The following CCDC170 variants were observed in gnomAD, a reference collection of about 807,000 sequenced individuals.
CCDC170 encodes the protein coiled-coil domain-containing protein 170.
A neutral mutation model predicts 72.6 loss-of-function variants in CCDC170; 69 were observed. The ratio of observed to expected loss-of-function variants is 0.95; its 90% confidence interval spans 0.78 to 1.16. The LOEUF (loss-of-function observed/expected upper bound fraction) is 1.16. CCDC170 is among the 50% of genes most tolerant of loss of function. The pLI, the probability that CCDC170 is intolerant of heterozygous loss-of-function variation, is 0.00. For missense variants in CCDC170, 852 were observed against 832.5 expected (o/e 1.02, Z -0.29); for synonymous variants, 300 against 303.9 (o/e 0.99, Z 0.13).
chr6:151,545,310 T>C (rs1371658428), intron 4 of CCDC170, among the ~76,000 whole-genome samples: 1 of 151,888 alleles, frequency 6.6e-6, no homozygotes, highest in African/African-American at 2.4e-5. Flanking sequence ...TCCCAGCTAA[T>C]TGGAAGGCTG....
chr6:151,576,561 G>A (rs1487172382), intron 6 of CCDC170, among the ~76,000 whole-genome samples: 2 of 151,922 alleles, frequency 1.3e-5, no homozygotes, highest in Non-Finnish European at 2.9e-5. Context: ...GGTTAAGCTG[G>A]GTATGCTTTC....
In CCDC170 at chr6:151,620,203, A is replaced by AG. The variant is rs1409193511; in HGVS notation, c.*2056_*2057insG. 8.6e-5 allele frequency: 13 copies of AG among 150,838 alleles called. No homozygotes were observed. The highest frequency in any genetic ancestry group is 1.6e-4 in the Non-Finnish European group (11 of 67,646). The allele number at this position is 150,838 out of a possible 1,614,324, so 9.3% of individuals were successfully genotyped here. A position where few individuals can be genotyped will look rare whatever the true frequency, so the allele number is the denominator to read the frequency against. On this transcript the variant is annotated 3_prime_UTR_variant, in exon 11 of 11. Transcript: ENST00000239374. ...ATGGATGATTCCAAAAAAAAAAAAA[A>AG]AAAGAAGAAAGAGAGAAAGAAAGAA...
At chr6:151,558,763 T>C (rs1169666342) in intron 5 of CCDC170, among the ~76,000 whole-genome samples, 1 of 152,176 alleles carries the variant, frequency 6.6e-6, no homozygotes, top group Non-Finnish European at 1.5e-5. Flanking sequence ...TGTGTCTATT[T>C]CATACCAATA....
At position 151,521,746 on chromosome 6, in the gene CCDC170, G is replaced by A. The variant is rs148677210; in HGVS notation, c.58-14572G>A. ...CGCCAGTAATCCCAGCACTTTGGGAGGCCAAGGAGGGTGGATCACGAGGTC... is the reference window on the plus strand; with the variant it reads ...CGCCAGTAATCCCAGCACTTTGGGAAGCCAAGGAGGGTGGATCACGAGGTC... On this transcript the variant is annotated intron_variant, in intron 1 of 10. Coordinates refer to ENST00000239374, the MANE Select transcript of CCDC170 (RefSeq NM_025059.4). 8.6e-3 allele frequency among the ~76,000 whole-genome samples: 1,308 copies of A among 152,250 alleles called. 23 individuals are homozygous for A. Among genetic ancestry groups the A allele is most frequent in the African/African-American group, 0.03 (1,231 of 41,562 alleles).
In CCDC170 at chr6:151,585,890, T is replaced by C; in HGVS notation, c.1094T>C (p.Met365Thr). 3 of 1,613,148 alleles carry C rather than the reference T, an allele frequency of 1.9e-6. No homozygotes were observed. The highest frequency in any genetic ancestry group is 2.5e-6 in the Non-Finnish European group (3 of 1,179,536). The change falls in exon 7 of 11, where the codon ATG becomes ACG. Residue 365 changes from methionine to threonine, a missense_variant and splice_region_variant. Physicochemically the swap from Met to Thr is moderately conservative, Grantham distance 81. Coordinates refer to ENST00000239374, the MANE Select transcript of CCDC170 (RefSeq NM_025059.4). Reference sequence around the variant, plus strand: ...CTTGATCTGTTTCTTTGTTTCCAGATGGTCTCCCAGCTTGAAGCCCAAATA... The same window carrying C: ...CTTGATCTGTTTCTTTGTTTCCAGACGGTCTCCCAGCTTGAAGCCCAAATA... Reference protein sequence around the residue: ...MDSREESRDRMVSQLEAQISE... With the variant: ...MDSREESRDRTVSQLEAQISE...
chr6:151,531,460 C>G (rs2115041343), intron 1 of CCDC170, among the ~76,000 whole-genome samples: 1 of 152,104 alleles, frequency 6.6e-6, no homozygotes, highest in South Asian at 2.1e-4. Context: ...AAAAATTAGC[C>G]AGGTGTGGTG....
intron 1 of CCDC170, among the ~76,000 whole-genome samples, chr6:151,509,771 T>TA (rs1782121785): frequency 6.6e-6 from 1 of 152,202 alleles, no homozygotes; most frequent in Non-Finnish European, 1.5e-5. Context: ...CAGAAAATCA[T>TA]TCAATTTAGG....
intron 5 of CCDC170, among the ~76,000 whole-genome samples, chr6:151,563,077 C>T (rs1385262661): frequency 6.6e-6 from 1 of 152,148 alleles, no homozygotes; most frequent in East Asian, 1.9e-4. Flanking sequence ...TTCCCCCAGA[C>T]CAGAGCAGGT....
chr6:151,563,655 G>A (rs562035160), intron 5 of CCDC170, among the ~76,000 whole-genome samples: 118 of 152,288 alleles, frequency 7.7e-4, no homozygotes, highest in Middle Eastern at 3.4e-3. Flanking sequence ...TGAGGGGAGT[G>A]TGGGCACGTC....
At chr6:151,592,224 G>A (rs1006677331) in intron 7 of CCDC170, among the ~76,000 whole-genome samples, 4 of 152,242 alleles carry the variant, frequency 2.6e-5, no homozygotes, top group African/African-American at 9.6e-5. Context: ...GCCAGGCATG[G>A]TGGCACGTGC....
chr6:151,552,047 T>G (rs1417888514), intron 5 of CCDC170, among the ~76,000 whole-genome samples: 1 of 148,374 alleles, frequency 6.7e-6, no homozygotes, highest in Non-Finnish European at 1.5e-5. Flanking sequence ...TTTTTTTGGT[T>G]GTTGTTGTTT....
intron 6 of CCDC170, among the ~76,000 whole-genome samples, chr6:151,585,678 T>C (rs1004492648): frequency 3.3e-5 from 5 of 152,192 alleles, no homozygotes; most frequent in Non-Finnish European, 5.9e-5. Flanking sequence ...AAATTAAAAA[T>C]ACCAATCGAA....
chr6:151,495,787 T>C (rs80354309), intron 1 of CCDC170, among the ~76,000 whole-genome samples: 1,998 of 152,294 alleles, frequency 0.013, 36 homozygotes, highest in African/African-American at 0.046. Flanking sequence ...TGCACTACCA[T>C]GCCTGGTCCC....
rs193030615 is a variant in CCDC170 at position 151,499,625 on chromosome 6, C to T, written c.57+5440C>T. ...AGACCGTATTTGACTATTTTAGGCA[C>T]GCTGCATAAGTGGAATCATGCTGTA... On this transcript the variant is annotated intron_variant, in intron 1 of 10. Transcript: ENST00000239374. 2.1e-4 allele frequency among the ~76,000 whole-genome samples: 31 copies of T among 145,278 alleles called. 8 individuals carry two copies. The highest frequency in any genetic ancestry group is 1.6e-3 in the East Asian group (8 of 5,152).
chr6:151,516,670 G>A (rs1052803369), intron 1 of CCDC170, among the ~76,000 whole-genome samples: 14 of 152,254 alleles, frequency 9.2e-5, no homozygotes, highest in Admixed American at 2.6e-4. Flanking sequence ...AAAGAGAGAG[G>A]AGTTCCTGAA....
chr6:151,507,748 C>G (rs1782085705), intron 1 of CCDC170, among the ~76,000 whole-genome samples: 1 of 152,010 alleles, frequency 6.6e-6, no homozygotes, highest in Non-Finnish European at 1.5e-5. Context: ...TGGTGAAACC[C>G]TGTATCTACT....
At chr6:151,528,069 G>A (rs1346527910) in intron 1 of CCDC170, among the ~76,000 whole-genome samples, 1 of 152,110 alleles carries the variant, frequency 6.6e-6, no homozygotes, top group African/African-American at 2.4e-5. Flanking sequence ...AAAAGACTGT[G>A]AGCCACCCCG....
At chr6:151,581,395 C>T (rs1776377408) in intron 6 of CCDC170, among the ~76,000 whole-genome samples, 1 of 152,160 alleles carries the variant, frequency 6.6e-6, no homozygotes, top group Admixed American at 6.5e-5. Context: ...TTTGCTCATC[C>T]ATGAGAAGCA....
At chr6:151,533,648 C>G (rs1402699359) in intron 1 of CCDC170, among the ~76,000 whole-genome samples, 1 of 134,422 alleles carries the variant, frequency 7.4e-6, no homozygotes, top group South Asian at 2.5e-4. Context: ...GCCTGGGCAA[C>G]AAGAGCGAAA....
Sources: gnomAD v4.1 joint callset for allele counts (sites outside exome capture counted in the v4.1 genomes callset) on GRCh38, gnomAD v4.1.1 for gene constraint, MANE v1.5 for transcripts, NCBI Gene and HGNC (gene_info 2026-07-23, HGNC 2026-07-21) for gene names.